The following SPOCK1 variants were observed in gnomAD, a reference collection of about 807,000 sequenced individuals.
SPOCK1 encodes SPARC (osteonectin), cwcv and kazal like domains proteoglycan 1, also known as testican-1.
Under a neutral mutation model 55.3 loss-of-function variants are expected in SPOCK1, and 23 were observed. That is an observed-to-expected ratio of 0.42 (90% CI 0.30 to 0.59). The LOEUF (loss-of-function observed/expected upper bound fraction) is 0.59. SPOCK1 is among the 20% of genes least tolerant of loss of function. The pLI, the probability that SPOCK1 is intolerant of heterozygous loss-of-function variation, is 0.22. For synonymous variants in SPOCK1, 226 were observed against 221.0 expected, an observed-to-expected ratio of 1.02 and a Z score of -0.20; for missense variants, 499 against 552.5, an observed-to-expected ratio of 0.90 and a Z score of 0.97.
At chr5:137,133,085 G>A (rs946972442) in intron 4 of SPOCK1, among the ~76,000 whole-genome samples, 4 of 152,076 alleles carry the variant, frequency 2.6e-5, no homozygotes, top group South Asian at 2.1e-4. Flanking sequence ...AAATGTATTC[G>A]TAGGCCAGGT....
intron 3 of SPOCK1, among the ~76,000 whole-genome samples, chr5:137,233,522 G>A (rs551997798): frequency 1.3e-5 from 2 of 152,084 alleles, no homozygotes; most frequent in Admixed American, 6.5e-5. Flanking sequence ...TTGCTCACCT[G>A]TCGCTCACCT....
intron 6 of SPOCK1, chr5:136,992,822 G>C (rs965691152): frequency 1.4e-4 from 63 of 444,012 alleles, no homozygotes; most frequent in South Asian, 5.2e-4. Flanking sequence ...TTCAGAACTT[G>C]AATTTGGATG....
chr5:137,140,690 C>T lies in SPOCK1; in HGVS notation c.237G>A (p.Leu79=), dbSNP rs1452707418. ...TCAGGCAGGGGTCCTTGGATGGGTC[C>T]AGGGCTGAGGCAAAAACAAGAAGGA... ...WNPNKPFDQA[L]DPSKDPCLKV... The change falls in exon 4 of 11, where the codon CTG becomes CTA. Residue 79 remains leucine, a synonymous_variant. Transcript: ENST00000394945. The T allele has an allele frequency of 6.3e-7, 1 of 1,595,948 alleles. No homozygotes were observed. Among genetic ancestry groups the T allele is most frequent in the African/African-American group, 1.4e-5 (1 of 73,754 alleles).
chr5:137,161,053 T>C (rs1233257665), intron 3 of SPOCK1, among the ~76,000 whole-genome samples: 4 of 146,266 alleles, frequency 2.7e-5, no homozygotes, highest in African/African-American at 1.0e-4. Context: ...TATATATCTC[T>C]CTAATATATT....
intron 2 of SPOCK1, among the ~76,000 whole-genome samples, chr5:137,457,624 G>C (rs1753392867): frequency 6.6e-6 from 1 of 152,298 alleles, no homozygotes; most frequent in East Asian, 1.9e-4. Context: ...TAATAAGGAT[G>C]TGTTGGGGTT....
chr5:137,478,343 GAC>G (rs1753879343), intron 2 of SPOCK1, among the ~76,000 whole-genome samples: 1 of 152,128 alleles, frequency 6.6e-6, no homozygotes, highest in Non-Finnish European at 1.5e-5. Context: ...GAGGGCCTGA[GAC>G]ACAATCTCTT....
rs527524966 is a variant in SPOCK1 at position 137,459,062 on chromosome 5, G to A, written c.186+39311C>T. Among the ~76,000 whole-genome samples the A allele has an allele frequency of 5.9e-5, 9 of 152,298 alleles. No individual in the cohort carries two copies. In the East Asian group the frequency reaches 1.7e-3, roughly 29 times the overall value. ...GTCAGGTGGTCCAGTGAGTGAGGCTGGCAGCCCAAGTCCAATGCCCTATAT... is the reference window on the plus strand; with the variant it reads ...GTCAGGTGGTCCAGTGAGTGAGGCTAGCAGCCCAAGTCCAATGCCCTATAT... On this transcript the variant is annotated intron_variant, in intron 2 of 10. Transcript: ENST00000394945.
intron 2 of SPOCK1, among the ~76,000 whole-genome samples, chr5:137,419,505 G>T (rs1752435509): frequency 6.6e-6 from 1 of 152,186 alleles, no homozygotes; most frequent in Non-Finnish European, 1.5e-5. Flanking sequence ...TCTCCTTGAA[G>T]AGGTCCTTCA....
At chr5:137,343,612 T>C (rs1305724067) in intron 2 of SPOCK1, among the ~76,000 whole-genome samples, 1 of 152,228 alleles carries the variant, frequency 6.6e-6, no homozygotes, top group Non-Finnish European at 1.5e-5. Flanking sequence ...TCAGCCCCGT[T>C]GTATGAAATC....
chr5:137,247,370 T>C (rs1045888815), intron 3 of SPOCK1, among the ~76,000 whole-genome samples: 1 of 152,104 alleles, frequency 6.6e-6, no homozygotes, highest in Non-Finnish European at 1.5e-5. Flanking sequence ...TCCCCCTTGA[T>C]TCAGATGCCA....
chr5:137,084,567 A>G (rs1428053585), intron 5 of SPOCK1, among the ~76,000 whole-genome samples: 8 of 152,066 alleles, frequency 5.3e-5, no homozygotes, highest in Admixed American at 5.2e-4. Context: ...GGAAACCCCT[A>G]TTAGAGAGGG....
rs1750649882 is a variant in SPOCK1 at position 136,978,012 on chromosome 5, G to T, written c.*642C>A. 1 of 398,460 alleles carries T rather than the reference G, an allele frequency of 2.5e-6. No individual in the cohort carries two copies. The highest frequency in any genetic ancestry group is 2.1e-5 in the African/African-American group (1 of 48,734). The allele number at this position is 398,460 out of a possible 1,614,324, so 24.7% of individuals were successfully genotyped here. On this transcript the variant is annotated 3_prime_UTR_variant, in exon 11 of 11. Transcript: ENST00000394945. ...TTTCTGTACATGCATGCATATTTAT[G>T]CATGTACAGGGAAGTATCCAGACAC...
At chr5:137,036,916 A>G (rs1751896251) in intron 6 of SPOCK1, among the ~76,000 whole-genome samples, 1 of 151,708 alleles carries the variant, frequency 6.6e-6, no homozygotes, top group Admixed American at 6.6e-5. Context: ...AGTCCCATTC[A>G]CCCCCCAACC....
intron 6 of SPOCK1, among the ~76,000 whole-genome samples, chr5:137,039,611 C>T (rs1054613665): frequency 2.6e-4 from 40 of 152,322 alleles, no homozygotes; most frequent in African/African-American, 9.1e-4. Context: ...GGTCCCACGC[C>T]CCCATGGGCA....
At chr5:137,338,870 G>T (rs1422274159) in intron 2 of SPOCK1, among the ~76,000 whole-genome samples, 11 of 152,204 alleles carry the variant, frequency 7.2e-5, no homozygotes, top group Non-Finnish European at 1.2e-4. Flanking sequence ...GGGGTTGTTT[G>T]TTTTTTTCTA....
At chr5:137,177,099 A>C (rs1441376994) in intron 3 of SPOCK1, among the ~76,000 whole-genome samples, 1 of 152,228 alleles carries the variant, frequency 6.6e-6, no homozygotes, top group Non-Finnish European at 1.5e-5. Flanking sequence ...AATTAACAGA[A>C]AATGGGATAC....
intron 3 of SPOCK1, 52 bp from the exon 4 acceptor site, chr5:137,140,746 A>ATT (rs1293241084): frequency 3.3e-5 from 23 of 704,412 alleles, no homozygotes; most frequent in South Asian, 1.2e-4. Flanking sequence ...AGGGAAATTT[A>ATT]ATTTTTTTTT....
chr5:137,385,522 T>C (rs1448334893), intron 2 of SPOCK1, among the ~76,000 whole-genome samples: 1 of 152,164 alleles, frequency 6.6e-6, no homozygotes, highest in Non-Finnish European at 1.5e-5. Flanking sequence ...GAATAATGAT[T>C]CATTATTGTG....
chr5:136,990,351 A>G (rs1209002178), intron 7 of SPOCK1, among the ~76,000 whole-genome samples: 1 of 151,888 alleles, frequency 6.6e-6, no homozygotes, highest in Non-Finnish European at 1.5e-5. Flanking sequence ...TAATCAAACT[A>G]TAGGCTCCCT....
Sources: allele counts gnomAD v4.1 joint callset (sites outside exome capture counted in the v4.1 genomes callset), GRCh38; gene constraint gnomAD v4.1.1; transcripts MANE v1.5; gene names NCBI Gene and HGNC (gene_info 2026-07-23, HGNC 2026-07-21).